The following NRG1 variants were observed in gnomAD, a reference collection of about 807,000 sequenced individuals.
NRG1 encodes the protein neuregulin 1, also known as pro-neuregulin-1, membrane-bound isoform.
NRG1 carries 18 observed loss-of-function variants against 63.8 expected under a neutral mutation model. The ratio of observed to expected loss-of-function variants is 0.28; its 90% confidence interval spans 0.19 to 0.42. The LOEUF (loss-of-function observed/expected upper bound fraction) is 0.42. Among genes scored for constraint, NRG1 ranks in the 10% least tolerant of loss-of-function variants. NRG1 has a pLI of 1.00. For synonymous variants in NRG1, 302 were observed against 301.3 expected (o/e 1.00, Z -0.02); for missense variants, 762 against 814.7 (o/e 0.94, Z 0.79).
intron 1 of NRG1, among the ~76,000 whole-genome samples, chr8:31,642,619 C>T (rs1803905628): frequency 6.6e-6 from 1 of 151,974 alleles, no homozygotes; most frequent in South Asian, 2.1e-4. Context: ...GTTTGCCAGT[C>T]AAAAGAAATA....
chr8:31,777,305 A>G (rs1053647922), intron 1 of NRG1, among the ~76,000 whole-genome samples: 1 of 152,210 alleles, frequency 6.6e-6, no homozygotes, highest in African/African-American at 2.4e-5. Context: ...CTTTTCATCT[A>G]TTAATTTGTT....
chr8:32,694,791 T>C (rs1812813591), intron 5 of NRG1, among the ~76,000 whole-genome samples: 1 of 152,140 alleles, frequency 6.6e-6, no homozygotes. Context: ...TCAAAGGAGC[T>C]TTAGTGTGTA....
At chr8:32,588,556 C>T (rs1473459352) in intron 1 of NRG1, among the ~76,000 whole-genome samples, 2 of 152,164 alleles carry the variant, frequency 1.3e-5, no homozygotes, top group Admixed American at 1.3e-4. Flanking sequence ...TGAAATACTG[C>T]CCCCAATTTT....
At chr8:32,688,711 T>C (rs1810825232) in intron 5 of NRG1, among the ~76,000 whole-genome samples, 1 of 152,218 alleles carries the variant, frequency 6.6e-6, no homozygotes, top group South Asian at 2.1e-4. Context: ...CAGTGACTTT[T>C]TTTCAACAAT....
chr8:31,821,017 C>T (rs1014520350), intron 1 of NRG1, among the ~76,000 whole-genome samples: 1 of 152,124 alleles, frequency 6.6e-6, no homozygotes, highest in African/African-American at 2.4e-5. Flanking sequence ...ATAGTATTTG[C>T]ATGTAATCTA....
intron 1 of NRG1, among the ~76,000 whole-genome samples, chr8:32,280,847 C>A (rs1156909632): frequency 1.4e-5 from 2 of 147,608 alleles, no homozygotes; most frequent in African/African-American, 5.0e-5. Flanking sequence ...GCAACCTCCA[C>A]CTCCTGGGTT....
At chr8:32,036,880 C>A (rs1819157821) in intron 1 of NRG1, among the ~76,000 whole-genome samples, 2 of 152,148 alleles carry the variant, frequency 1.3e-5, no homozygotes, top group Non-Finnish European at 2.9e-5. Context: ...TTAGGACATA[C>A]TTCTTTAGCT....
chr8:31,942,635 T>G (rs1287985180), intron 1 of NRG1, among the ~76,000 whole-genome samples: 3 of 152,028 alleles, frequency 2.0e-5, no homozygotes, highest in African/African-American at 7.2e-5. Context: ...TCACAATCTA[T>G]ACATCTGACA....
At chr8:32,637,119 A>G (rs147795270) in intron 5 of NRG1, among the ~76,000 whole-genome samples, 4,158 of 152,292 alleles carry the variant, frequency 0.027, 73 homozygotes, top group Middle Eastern at 0.075. Flanking sequence ...ATTTTCAAAC[A>G]TAGAGAAAAG....
In NRG1 at chr8:32,498,225, G is replaced by A. The variant is rs554741587; in HGVS notation, c.38-97603G>A. Among the ~76,000 whole-genome samples, 10 of 152,294 alleles carry A rather than the reference G, an allele frequency of 6.6e-5. No individual in the cohort carries two copies. In the South Asian group the frequency reaches 1.7e-3, roughly 25 times the overall value. ...GGTTTATAAACCCTTCTTAACCAAG[G>A]AAAGAGGGTTTGGGCATCAATGAGT... On this transcript the variant is annotated intron_variant, in intron 1 of 10. Coordinates refer to the NRG1 transcript ENST00000519301.
chr8:32,349,709 A>G (rs1283590865), intron 1 of NRG1, among the ~76,000 whole-genome samples: 1 of 152,202 alleles, frequency 6.6e-6, no homozygotes, highest in East Asian at 1.9e-4. Flanking sequence ...AAAGGAATAC[A>G]CAGGTAAGCC....
chr8:32,122,487 A>G (rs938561727), intron 1 of NRG1, among the ~76,000 whole-genome samples: 33 of 152,128 alleles, frequency 2.2e-4, no homozygotes, highest in African/African-American at 7.7e-4. Context: ...GATTGAACTC[A>G]ATTATAACTC....
upstream of NRG1, among the ~76,000 whole-genome samples, chr8:32,543,678 T>C (rs990663072): frequency 6.6e-6 from 1 of 152,166 alleles, no homozygotes; most frequent in Non-Finnish European, 1.5e-5. Flanking sequence ...CATTAGTATG[T>C]AGTAATTTTT....
intron 1 of NRG1, among the ~76,000 whole-genome samples, chr8:31,914,828 A>G (rs1232836103): frequency 6.6e-6 from 1 of 151,930 alleles, no homozygotes; most frequent in East Asian, 1.9e-4. Context: ...TGGTAGTTTA[A>G]TTATTTAACT....
chr8:32,137,557 G>C (rs1164709285), intron 1 of NRG1, among the ~76,000 whole-genome samples: 3 of 152,174 alleles, frequency 2.0e-5, no homozygotes, highest in African/African-American at 7.2e-5. Context: ...ACAATTGCAT[G>C]CATATGTCAA....
chr8:32,002,151 G>A (rs773391819), intron 1 of NRG1, among the ~76,000 whole-genome samples: 2 of 151,932 alleles, frequency 1.3e-5, no homozygotes, highest in Non-Finnish European at 2.9e-5. Context: ...AGTCTCTTGA[G>A]TAGCTGGGAT....
intron 1 of NRG1, among the ~76,000 whole-genome samples, chr8:32,288,213 A>C (rs1586638361): frequency 6.6e-6 from 1 of 152,190 alleles, no homozygotes; most frequent in East Asian, 1.9e-4. Flanking sequence ...TTTAGAGAAA[A>C]TCATTACTAC....
chr8:32,298,851 AC>A, intron 1 of NRG1, among the ~76,000 whole-genome samples: 2 of 151,368 alleles, frequency 1.3e-5, no homozygotes, highest in South Asian at 4.2e-4. Flanking sequence ...ACATTGTGAA[AC>A]CCCGTCTCTA....
At chr8:31,670,496 C>T (rs926972979) in intron 1 of NRG1, among the ~76,000 whole-genome samples, 2 of 151,796 alleles carry the variant, frequency 1.3e-5, no homozygotes, top group South Asian at 2.1e-4. Context: ...AGGAAGATAC[C>T]GAAAGGTGGT....
Sources: allele counts gnomAD v4.1 joint callset (sites outside exome capture counted in the v4.1 genomes callset), GRCh38; gene constraint gnomAD v4.1.1; transcripts MANE v1.5; gene names NCBI Gene and HGNC (gene_info 2026-07-23, HGNC 2026-07-21).